Variants in OLA1 observed in about 807,000 individuals in gnomAD.
OLA1 encodes Obg like ATPase 1, also known as obg-like ATPase 1.
Under a neutral mutation model 48.4 loss-of-function variants are expected in OLA1, and 14 were observed. The observed-to-expected ratio is 0.29, with a 90% confidence interval of 0.19 to 0.45. The LOEUF is 0.45. OLA1 is among the 20% of genes least tolerant of loss of function. The pLI is 1.00. For missense variants in OLA1, 325 were observed against 467.1 expected, an observed-to-expected ratio of 0.70 and a Z score of 2.80; for synonymous variants, 127 against 150.4, an observed-to-expected ratio of 0.84 and a Z score of 1.14.
chr2:174,109,618 T>C (rs1449040506), intron 7 of OLA1, among the ~76,000 whole-genome samples: 1 of 152,238 alleles, frequency 6.6e-6, no homozygotes, highest in Non-Finnish European at 1.5e-5. Flanking sequence ...ATTCTCCATA[T>C]CCTCTTTCTT....
intron 7 of OLA1, among the ~76,000 whole-genome samples, chr2:174,118,177 C>T (rs1290472446): frequency 3.9e-5 from 6 of 152,112 alleles, no homozygotes; most frequent in South Asian, 2.1e-4. Flanking sequence ...TCCACCCCTG[C>T]GGTCCAATCG....
chr2:174,247,730 C>G (rs1689158023), intron 1 of OLA1: 1 of 1,551,026 alleles, frequency 6.4e-7, no homozygotes, highest in African/African-American at 1.4e-5. Context: ...TACGGCTCAT[C>G]AGTCCTCATA....
intron 4 of OLA1, among the ~76,000 whole-genome samples, chr2:174,160,278 T>C (rs1161905176): frequency 1.3e-5 from 2 of 152,172 alleles, no homozygotes; most frequent in Non-Finnish European, 2.9e-5. Flanking sequence ...AATGAAATTC[T>C]ATACAAAATT....
Position 174,242,465 on chromosome 2 carries a change from A to C in OLA1, c.101+4250T>G, listed in dbSNP as rs116454778. On this transcript the variant is annotated intron_variant, in intron 2 of 10. Coordinates refer to ENST00000284719, the MANE Select transcript of OLA1 (RefSeq NM_013341.5). Reference sequence around the variant, plus strand: ...CAGCCTGGTTCTTCACACGCCACAGATCGGTACCAGTCCCCAGCATGAGGT... The same window carrying C: ...CAGCCTGGTTCTTCACACGCCACAGCTCGGTACCAGTCCCCAGCATGAGGT... Among the ~76,000 whole-genome samples, 1,340 of 152,158 alleles carry C rather than the reference A, an allele frequency of 8.8e-3. 18 individuals carry two copies. The highest frequency in any genetic ancestry group is 0.03 in the African/African-American group (1,260 of 41,504).
At chr2:174,213,820 T>C (rs1277288809) in intron 4 of OLA1, among the ~76,000 whole-genome samples, 1 of 152,130 alleles carries the variant, frequency 6.6e-6, no homozygotes, top group Non-Finnish European at 1.5e-5. Context: ...TAAAAGTTTT[T>C]TAAAAAGGGT....
chr2:174,181,389 T>C (rs1040822680), intron 4 of OLA1, among the ~76,000 whole-genome samples: 7 of 152,046 alleles, frequency 4.6e-5, no homozygotes, highest in African/African-American at 1.7e-4. Context: ...AGGGACTCTG[T>C]TGTTTTGGTG....
Position 174,229,394 on chromosome 2 carries a change from C to A in OLA1, c.159G>T (p.Pro53=), listed in dbSNP as rs11558992. 1.9e-6 allele frequency: 3 copies of A among 1,613,108 alleles called. No homozygotes were observed. Among genetic ancestry groups the A allele is most frequent in the South Asian group, 2.2e-5 (2 of 91,012 alleles). The part of the protein sequence containing the change: ...TNSQASAENF[P]FCTIDPNESR... ...TCTCATTAGGATCAATAGTGCAGAA[C>A]GGGAAGTTTTCTGCTGAAGCCTGAC... Residue 53 remains proline, a synonymous_variant, in exon 3 of 11, where the codon CCG becomes CCT. Transcript: ENST00000284719.
At chr2:174,103,515 T>TAC (rs1293640488) in intron 7 of OLA1, among the ~76,000 whole-genome samples, 4 of 152,216 alleles carry the variant, frequency 2.6e-5, no homozygotes, top group Non-Finnish European at 5.9e-5. Flanking sequence ...AACCCTGGCA[T>TAC]ACACAGCCTA....
intron 7 of OLA1, among the ~76,000 whole-genome samples, chr2:174,095,262 T>A (rs1265243142): frequency 6.6e-6 from 1 of 151,828 alleles, no homozygotes; most frequent in African/African-American, 2.4e-5. Flanking sequence ...CCTTTTACAT[T>A]CCTACCAGTA....
chr2:174,163,744 ATATATATATATATATAT>A (rs1558984555), intron 4 of OLA1, among the ~76,000 whole-genome samples: 1 of 45,432 alleles, frequency 2.2e-5, no homozygotes, highest in Non-Finnish European at 4.2e-5. Context: ...ATATATATAT[ATATATATATATATATAT>A]ATATATATAT....
chr2:174,176,983 A>G (rs1336424006), intron 4 of OLA1, among the ~76,000 whole-genome samples: 1 of 152,106 alleles, frequency 6.6e-6, no homozygotes, highest in Non-Finnish European at 1.5e-5. Context: ...GTCCCACATC[A>G]TTCAGAACAA....
intron 4 of OLA1, among the ~76,000 whole-genome samples, chr2:174,192,198 A>G (rs1326170488): frequency 6.6e-6 from 1 of 152,178 alleles, no homozygotes; most frequent in Non-Finnish European, 1.5e-5. Context: ...TCCACCTTTA[A>G]GTGATATTAT....
intron 4 of OLA1, among the ~76,000 whole-genome samples, chr2:174,178,127 C>T (rs1166956265): frequency 1.3e-5 from 2 of 151,708 alleles, no homozygotes; most frequent in Non-Finnish European, 2.9e-5. Flanking sequence ...TCTTTTTATA[C>T]CTAAAGTATA....
intron 7 of OLA1, among the ~76,000 whole-genome samples, chr2:174,109,553 T>C (rs568705077): frequency 6.6e-6 from 1 of 152,288 alleles, no homozygotes; most frequent in East Asian, 1.9e-4. Flanking sequence ...TTTCAAGAGA[T>C]CCAGGCAACT....
intron 4 of OLA1, among the ~76,000 whole-genome samples, chr2:174,203,736 C>T (rs1173967003): frequency 6.6e-6 from 1 of 151,806 alleles, no homozygotes; most frequent in Non-Finnish European, 1.5e-5. Context: ...AATACATACA[C>T]TTTAAGTTAT....
chr2:174,083,314 G>A (rs527254969), intron 7 of OLA1, among the ~76,000 whole-genome samples: 2 of 152,184 alleles, frequency 1.3e-5, no homozygotes, highest in Admixed American at 1.3e-4. Flanking sequence ...CAATGGCAGG[G>A]GAGCAGAGTT....
chr2:174,200,525 G>C (rs1384047811), intron 4 of OLA1, among the ~76,000 whole-genome samples: 1 of 152,102 alleles, frequency 6.6e-6, no homozygotes, highest in Non-Finnish European at 1.5e-5. Flanking sequence ...CAGCAAGAAA[G>C]CTATCAAAGA....
At chr2:174,144,134 C>CA (rs959441173) in intron 4 of OLA1, among the ~76,000 whole-genome samples, 29 of 151,546 alleles carry the variant, frequency 1.9e-4, no homozygotes, top group African/African-American at 5.8e-4. Context: ...AAAAACCTAC[C>CA]AAAAAAAACC....
chr2:174,230,037 A>C (rs1174591316), intron 2 of OLA1, among the ~76,000 whole-genome samples: 1 of 152,206 alleles, frequency 6.6e-6, no homozygotes, highest in Non-Finnish European at 1.5e-5. Flanking sequence ...GACTTAAATC[A>C]AGAAAATATA....
Sources: gnomAD v4.1 joint callset for allele counts (sites outside exome capture counted in the v4.1 genomes callset) on GRCh38, gnomAD v4.1.1 for gene constraint, MANE v1.5 for transcripts, NCBI Gene and HGNC (gene_info 2026-07-23, HGNC 2026-07-21) for gene names.